Variants in MCOLN3 observed in about 807,000 individuals in gnomAD.
MCOLN3 encodes the protein mucolipin TRP cation channel 3.
MCOLN3 carries 62 observed loss-of-function variants against 69.4 expected under a neutral mutation model. That is an observed-to-expected ratio of 0.89 (90% CI 0.73 to 1.10). The LOEUF (loss-of-function observed/expected upper bound fraction) is 1.10. Ranked by LOEUF, MCOLN3 falls within the 50% of genes least tolerant of loss-of-function variation. The probability of loss-of-function intolerance (pLI) is 0.00; values close to 1 mark genes in which losing one functional copy is unlikely to be tolerated. For missense variants in MCOLN3, 564 were observed against 656.4 expected, an observed-to-expected ratio of 0.86 and a Z score of 1.54; for synonymous variants, 183 against 217.0, an observed-to-expected ratio of 0.84 and a Z score of 1.38.
chr1:85,036,781 G>A (rs1652823487), intron 3 of MCOLN3: 1 of 152,098 alleles, frequency 6.6e-6, no homozygotes, highest in South Asian at 2.1e-4. Flanking sequence ...AAGATTTCAA[G>A]TCTTCAGAAA....
At chr1:85,032,421 T>C (rs1571107626) in intron 6 of MCOLN3, among the ~76,000 whole-genome samples, 1 of 152,124 alleles carries the variant, frequency 6.6e-6, no homozygotes, top group Non-Finnish European at 1.5e-5. Flanking sequence ...TTTGAAAATC[T>C]ATACCAGGCA....
chr1:85,044,244 T>C (rs112304573), intron 2 of MCOLN3, among the ~76,000 whole-genome samples: 34 of 152,320 alleles, frequency 2.2e-4, no homozygotes, highest in African/African-American at 8.2e-4. Context: ...ATTGTAAAAA[T>C]TGCCTTGGTT....
intron 9 of MCOLN3, chr1:85,025,334 G>A (rs1652157072): frequency 6.6e-6 from 1 of 152,176 alleles, no homozygotes; most frequent in South Asian, 2.1e-4. Context: ...ATAAGTTTGA[G>A]CAAGATTAGT....
chr1:85,040,842 A>C (rs1400502227), intron 3 of MCOLN3, among the ~76,000 whole-genome samples, 168 bp downstream of exon 3: 2 of 152,196 alleles, frequency 1.3e-5, no homozygotes, highest in East Asian at 3.8e-4. Context: ...GTTTTATAAA[A>C]ATTTGTTGAC....
chr1:85,025,173 G>A (rs1215857407), intron 9 of MCOLN3: 1 of 152,178 alleles, frequency 6.6e-6, no homozygotes, highest in Non-Finnish European at 1.5e-5. Context: ...GAGATGTTGA[G>A]CTACTCACCA....
chr1:85,022,253 C>T, intron 10 of MCOLN3, 46 bp downstream of exon 10: 15 of 1,613,804 alleles, frequency 9.3e-6, no homozygotes, highest in Non-Finnish European at 1.3e-5. Flanking sequence ...AGTGCAATAA[C>T]TTTGAGAGAA....
At position 85,045,162 on chromosome 1, in the gene MCOLN3, T is replaced by C. The variant is rs199633578; in HGVS notation, c.199A>G (p.Ile67Val). The change falls in exon 2 of 13, where the codon ATT becomes GTT. Residue 67 changes from isoleucine to valine, a missense_variant. Physicochemically the swap from Ile to Val is conservative, Grantham distance 29 (BLOSUM62 3). Coordinates refer to ENST00000370589, the MANE Select transcript of MCOLN3 (RefSeq NM_018298.11). ...GRKPWKLAIQ[I>V]LKIAMVTIQL... ...ATAGTCACCATTGCAATTTTTAGAA[T>C]TTGTATGGCAAGTTTCCATGGTTTT... 2.4e-5 allele frequency: 39 copies of C among 1,613,926 alleles called. 1 individual carries two copies. The South Asian group carries it at 4.0e-4, about 16-fold the overall frequency.
Position 85,022,308 on chromosome 1 carries a change from T to G in MCOLN3, c.1188A>C (p.Ala396=). The G allele has an allele frequency of 1.9e-6, 3 of 1,613,950 alleles. No individual in the cohort carries two copies. The highest frequency in any genetic ancestry group is 2.5e-6 in the Non-Finnish European group (3 of 1,179,868). ...LGVIRYLGFF[A]KYNLLILTLQ... Reference sequence around the variant, plus strand: ...CCGTGGAATTCCTTACGTTGTACTTTGCAAAGAAACCGAGGTATCGGATGA... The same window carrying G: ...CCGTGGAATTCCTTACGTTGTACTTGGCAAAGAAACCGAGGTATCGGATGA... Residue 396 remains alanine, a synonymous_variant, in exon 10 of 13, where the codon GCA becomes GCC. Coordinates refer to ENST00000370589, the MANE Select transcript of MCOLN3 (RefSeq NM_018298.11).
chr1:85,032,823 G>A (rs749240430), intron 5 of MCOLN3, 31 bp from the exon 6 acceptor site: 1 of 1,612,728 alleles, frequency 6.2e-7, no homozygotes, highest in Non-Finnish European at 8.5e-7. Flanking sequence ...TAGTTCTGTG[G>A]CAATATATAC....
At chr1:85,035,768 C>CA (rs1442865948) in intron 3 of MCOLN3, among the ~76,000 whole-genome samples, 1 of 152,232 alleles carries the variant, frequency 6.6e-6, no homozygotes, top group Non-Finnish European at 1.5e-5. Flanking sequence ...TCCTCCCTCT[C>CA]ACCTTAGTCT....
At chr1:85,020,167 G>T (rs959290012) in intron 12 of MCOLN3, among the ~76,000 whole-genome samples, 2 of 152,174 alleles carry the variant, frequency 1.3e-5, no homozygotes, top group Non-Finnish European at 2.9e-5. Flanking sequence ...AGTTGCCTTG[G>T]TGATCCTAAG....
intron 3 of MCOLN3, 125 bp downstream of exon 3, chr1:85,040,885 T>C (rs1653026411): frequency 2.3e-6 from 2 of 873,312 alleles, no homozygotes; most frequent in Non-Finnish European, 3.4e-6. Flanking sequence ...TAATTTTGTA[T>C]GTGTCATTTC....
rs1651999257 is a variant in MCOLN3, at chr1:85,022,577, G to A, written c.1096-177C>T. ...TAGTGGAGGGAAGAAAGAGACAACA[G>A]AAATAAGTTAATAGAAACTTTGGGA... On this transcript the variant is annotated intron_variant, in intron 9 of 12. Coordinates refer to ENST00000370589, the MANE Select transcript of MCOLN3 (RefSeq NM_018298.11). 7.9e-6 allele frequency: 4 copies of A among 506,206 alleles called. 1 individual carries two copies. In the South Asian group the frequency reaches 1.2e-4, roughly 15 times the overall value. The allele number at this position is 506,206 out of a possible 1,614,324, so 31.4% of individuals were successfully genotyped here.
intron 1 of MCOLN3, among the ~76,000 whole-genome samples, chr1:85,046,079 G>A (rs929330143): frequency 1.3e-5 from 2 of 152,164 alleles, no homozygotes; most frequent in East Asian, 1.9e-4. Context: ...AGGGTCTAGC[G>A]CTAAGCAGAC....
intron 10 of MCOLN3, 22 bp downstream of exon 10, chr1:85,022,277 G>A: frequency 6.2e-7 from 1 of 1,613,476 alleles, no homozygotes; most frequent in East Asian, 2.2e-5. Flanking sequence ...CCAACAGCAT[G>A]GAGATCCGTG....
At chr1:85,022,470 A>G in intron 9 of MCOLN3, 70 bp from the exon 10 acceptor site, 1 of 1,070,086 alleles carries the variant, frequency 9.3e-7, no homozygotes, top group South Asian at 1.4e-5. Flanking sequence ...TATTGAGGTA[A>G]GTATGAGTAA....
chr1:85,021,002 ACT>A (rs1162755447), intron 12 of MCOLN3, 66 bp downstream of exon 12: 13 of 1,158,552 alleles, frequency 1.1e-5, no homozygotes, highest in African/African-American at 1.6e-5. Flanking sequence ...ACCATTAGGT[ACT>A]GAATTTTACT....
chr1:85,043,841 C>CTT (rs550836893), intron 2 of MCOLN3, among the ~76,000 whole-genome samples: 3 of 142,202 alleles, frequency 2.1e-5, no homozygotes, highest in African/African-American at 2.6e-5. Flanking sequence ...AGCCATGTGA[C>CTT]TTTTTTTTTT....
chr1:85,036,922 A>C (rs1652829135), intron 3 of MCOLN3: 1 of 152,216 alleles, frequency 6.6e-6, no homozygotes, highest in Non-Finnish European at 1.5e-5. Context: ...CCCCATTAGA[A>C]TGCAAGTTCC....
Sources: allele counts gnomAD v4.1 joint callset (sites outside exome capture counted in the v4.1 genomes callset), GRCh38; gene constraint gnomAD v4.1.1; transcripts MANE v1.5; gene names NCBI Gene and HGNC (gene_info 2026-07-23, HGNC 2026-07-21).